USP24: variants seen among roughly 807,000 people sequenced by gnomAD.
USP24 encodes the protein ubiquitin specific peptidase 24.
In USP24, 97 loss-of-function variants were observed where a neutral mutation model predicts 361.6. That is an observed-to-expected ratio of 0.27 (90% CI 0.23 to 0.32). The LOEUF is 0.32. USP24 is among the 10% of genes least tolerant of loss of function. The pLI is 1.00. For synonymous variants in USP24, 1,098 were observed against 1,124.6 expected (o/e 0.98, Z 0.47); for missense variants, 2,353 against 3,165.6 (o/e 0.74, Z 6.16).
chr1:55,107,841 C>A (rs375325425), intron 39 of USP24, among the ~76,000 whole-genome samples: 46 of 38,248 alleles, frequency 1.2e-3, no homozygotes, highest in African/African-American at 2.5e-3. Context: ...GACTCTGTCT[C>A]AAAAAAAAAA....
At chr1:55,153,445 A>G (rs1036777275) in intron 16 of USP24, among the ~76,000 whole-genome samples, 1 of 152,118 alleles carries the variant, frequency 6.6e-6, no homozygotes, top group Non-Finnish European at 1.5e-5. Flanking sequence ...AAACACTACT[A>G]TGTGCAATCG....
chr1:55,130,243 C>T (rs1318744521), intron 31 of USP24, among the ~76,000 whole-genome samples: 1 of 152,186 alleles, frequency 6.6e-6, no homozygotes. Context: ...AAATCTAGTT[C>T]ACATTCTAGT....
chr1:55,163,922 C>T (rs556581789), intron 7 of USP24, among the ~76,000 whole-genome samples: 1 of 151,936 alleles, frequency 6.6e-6, no homozygotes, highest in Non-Finnish European at 1.5e-5. Context: ...TGGAACCAAT[C>T]CCCCAGTATA....
intron 3 of USP24, among the ~76,000 whole-genome samples, chr1:55,175,258 G>A (rs116257559): frequency 0.016 from 1,815 of 112,348 alleles, 40 homozygotes; most frequent in African/African-American, 0.059. Flanking sequence ...ACGGAGCCTC[G>A]CACTGTCACG....
chr1:55,103,023 AG>A (rs908685591), intron 42 of USP24, among the ~76,000 whole-genome samples: 8 of 152,156 alleles, frequency 5.3e-5, no homozygotes, highest in Admixed American at 2.6e-4. Flanking sequence ...AGGCATCCAA[AG>A]GGTAAGTCTG....
At chr1:55,075,668 C>CAACAA (rs1645014373) in intron 62 of USP24, 145 bp from the exon 63 acceptor site, 2 of 6,728 alleles carry the variant, frequency 3.0e-4, no homozygotes, top group East Asian at 6.2e-3. Flanking sequence ...AACAACAACA[C>CAACAA]CACCACCACC....
At chr1:55,086,245 G>T in intron 55 of USP24, 1 of 585,562 alleles carries the variant, frequency 1.7e-6, no homozygotes, top group Non-Finnish European at 3.0e-6. Flanking sequence ...CCAAGGCTCT[G>T]TTCAAAATTC....
chr1:55,213,563 C>T (rs1407311677), intron 1 of USP24, among the ~76,000 whole-genome samples: 3 of 152,168 alleles, frequency 2.0e-5, no homozygotes, highest in African/African-American at 7.2e-5. Context: ...GAACCAAATT[C>T]GTATCTCTAC....
rs1200355255 is a variant in USP24, at chr1:55,103,823, GT to G, written c.5025+52del. The G allele has an allele frequency of 4.5e-6, 7 of 1,557,024 alleles. No individual in the cohort carries two copies. The African/African-American group carries it at 9.6e-5, about 21-fold the overall frequency. Reference sequence around the variant, plus strand: ...TGCAAATACAGTCTTAAAATTATATGTTTCAGAGATCATTCTAAAAAAATTA... The same window carrying G: ...TGCAAATACAGTCTTAAAATTATATGTTCAGAGATCATTCTAAAAAAATTA... On this transcript the variant is annotated intron_variant, in intron 42 of 67. Transcript: ENST00000294383.
chr1:55,122,616 T>C (rs1484113298), intron 36 of USP24, among the ~76,000 whole-genome samples: 1 of 152,092 alleles, frequency 6.6e-6, no homozygotes, highest in Non-Finnish European at 1.5e-5. Context: ...CAATGGCAGC[T>C]TGGAGGGACC....
chr1:55,175,128 T>A (rs1013146456), intron 3 of USP24, among the ~76,000 whole-genome samples: 1 of 151,710 alleles, frequency 6.6e-6, no homozygotes, highest in Non-Finnish European at 1.5e-5. Context: ...TATATATATA[T>A]TTTTTAAGGC....
intron 63 of USP24, 41 bp downstream of exon 63, chr1:55,075,416 A>G: frequency 1.9e-6 from 3 of 1,540,594 alleles, no homozygotes; most frequent in Non-Finnish European, 2.7e-6. Flanking sequence ...TTATCCACAT[A>G]TTTACTATAG....
intron 41 of USP24, 70 bp downstream of exon 41, chr1:55,106,076 A>G: frequency 8.1e-7 from 1 of 1,231,394 alleles, no homozygotes; most frequent in Non-Finnish European, 1.2e-6. Context: ...CAAGTTAACA[A>G]AATCTTTTGG....
chr1:55,215,077 G>A lies in USP24; in HGVS notation c.37C>T (p.Leu13=). 3 of 1,407,826 alleles carry A rather than the reference G, an allele frequency of 2.1e-6. No individual in the cohort carries two copies. The highest frequency in any genetic ancestry group is 2.8e-6 in the Non-Finnish European group (3 of 1,074,080). The allele number at this position is 1,407,826 out of a possible 1,614,324, so 87.2% of individuals were successfully genotyped here. A position where few individuals can be genotyped will look rare whatever the true frequency, so the allele number is the denominator to read the frequency against. Residue 13 remains leucine (L), a synonymous_variant, in exon 1 of 68, where the codon CTG becomes TTG. Transcript: ENST00000294383. ...GCGGGGTCTGAGAAGCCCATGCACAGCAGCGTGGTCATGTGCTGCTCCTCC... is the reference window on the plus strand; with the variant it reads ...GCGGGGTCTGAGAAGCCCATGCACAACAGCGTGGTCATGTGCTGCTCCTCC... ...SEEEQHMTTL[L]CMGFSDPATI...
chr1:55,087,424 G>T (rs1228516053), intron 55 of USP24, among the ~76,000 whole-genome samples: 2 of 152,192 alleles, frequency 1.3e-5, no homozygotes, highest in Non-Finnish European at 2.9e-5. Flanking sequence ...ATAAGGGAAT[G>T]AATAAAATAT....
Position 55,078,578 on chromosome 1 carries a change from C to T in USP24, c.7274G>A (p.Cys2425Tyr). 6.2e-7 allele frequency: 1 copy of T among 1,611,988 alleles called. No individual in the cohort carries two copies. Among genetic ancestry groups the T allele is most frequent in the Non-Finnish European group, 8.5e-7 (1 of 1,179,280 alleles). Residue 2425 changes from cysteine to tyrosine, a missense_variant, in exon 61 of 68, where the codon TGT becomes TAT. Around this residue, in one of 8 missense-constraint regions of USP24, gnomAD observed 598 missense variants for 761.9 expected, o/e 0.78. Transcript: ENST00000294383. ...LIEMVVYCCF[C>Y]NEHFSFTMLH... ...CATTGTGAAGGAAAAATGCTCATTA[C>T]AGAAACAGCAGTACACTACCATCTC...
At chr1:55,096,444 T>C in intron 50 of USP24, 54 bp downstream of exon 50, 2 of 1,359,018 alleles carry the variant, frequency 1.5e-6, no homozygotes, top group Non-Finnish European at 1.9e-6. Flanking sequence ...TTAATTTTTA[T>C]AGAAAACGAT....
chr1:55,210,845 G>A (rs1644830712), intron 1 of USP24, among the ~76,000 whole-genome samples: 1 of 152,146 alleles, frequency 6.6e-6, no homozygotes, highest in South Asian at 2.1e-4. Context: ...AGTATTAAAT[G>A]TCACTTCTGG....
chr1:55,078,220 C>T (rs990965420), intron 61 of USP24, among the ~76,000 whole-genome samples: 2 of 150,706 alleles, frequency 1.3e-5, no homozygotes, highest in African/African-American at 2.4e-5. Flanking sequence ...CCTGGGGTAG[C>T]GTGAGCAAGG....
Sources: allele counts gnomAD v4.1 joint callset (sites outside exome capture counted in the v4.1 genomes callset), GRCh38; gene constraint gnomAD v4.1.1; regional missense constraint gnomAD v4.1.1; transcripts MANE v1.5; gene names NCBI Gene and HGNC (gene_info 2026-07-23, HGNC 2026-07-21).